Variants in ABCD3 observed in about 807,000 individuals in gnomAD.
ABCD3 encodes ATP binding cassette subfamily D member 3.
ABCD3 carries 41 observed loss-of-function variants against 105.5 expected under a neutral mutation model. The ratio of observed to expected loss-of-function variants is 0.39; its 90% confidence interval spans 0.30 to 0.50. The LOEUF is 0.50. ABCD3 is among the 20% of genes least tolerant of loss of function. ABCD3 has a pLI of 0.84. For synonymous variants in ABCD3, 258 were observed against 269.0 expected (o/e 0.96, Z 0.40); for missense variants, 622 against 806.3 (o/e 0.77, Z 2.77).
chr1:94,455,883 C>G, intron 1 of ABCD3: 1 of 1,200,258 alleles, frequency 8.3e-7, no homozygotes, highest in Admixed American at 3.3e-5. Context: ...CTCTAAGTAT[C>G]AATTTATAAC....
At chr1:94,505,132 G>C (rs1361507319) in intron 20 of ABCD3, among the ~76,000 whole-genome samples, 1 of 152,106 alleles carries the variant, frequency 6.6e-6, no homozygotes, top group African/African-American at 2.4e-5. Flanking sequence ...ACGTTTGAGA[G>C]TCCTGTGAGA....
upstream of ABCD3, among the ~76,000 whole-genome samples, chr1:94,413,586 A>G (rs1362209499): frequency 6.6e-6 from 1 of 152,164 alleles, no homozygotes; most frequent in Non-Finnish European, 1.5e-5. Flanking sequence ...AACTTCCCCA[A>G]TGCCAGCTTG....
At chr1:94,413,972 T>A (rs1322315685), upstream of ABCD3, among the ~76,000 whole-genome samples, 1 of 152,102 alleles carries the variant, frequency 6.6e-6, no homozygotes, top group East Asian at 1.9e-4. Flanking sequence ...AAGGATAAAC[T>A]GAGTTGAACG....
chr1:94,433,930 T>C (rs1182970527), intron 1 of ABCD3, among the ~76,000 whole-genome samples: 1 of 152,118 alleles, frequency 6.6e-6, no homozygotes, highest in Non-Finnish European at 1.5e-5. Context: ...ATTATGGGTA[T>C]GAGCCACTGC....
chr1:94,444,291 C>T (rs1347181490), intron 1 of ABCD3, among the ~76,000 whole-genome samples: 5 of 142,890 alleles, frequency 3.5e-5, no homozygotes, highest in Non-Finnish European at 6.0e-5. Context: ...AGGATTGTGC[C>T]ACTGTACTCT....
In ABCD3 at chr1:94,518,160, CTTTTTTATAT is replaced by C. The variant is rs1651012199; in HGVS notation, c.*1034_*1043del. ...TTTTATCTCTGTGAATCTTGAATAA[CTTTTTTATAT>C]TTGGGTTATGATGTCAAACGATCCT... On this transcript the variant is annotated 3_prime_UTR_variant, in exon 23 of 23. Transcript: ENST00000370214. The C allele has an allele frequency of 6.6e-6, 1 of 152,148 alleles. No homozygotes were observed. The highest frequency in any genetic ancestry group is 2.4e-5 in the African/African-American group (1 of 41,358). 9.4% of individuals were successfully genotyped at this position (152,148 alleles called of 1,614,324 possible).
At chr1:94,396,610 T>C in the ABCD3 span, among the ~76,000 whole-genome samples, 68,902 of 143,864 alleles carry the variant, frequency 0.48, 15,984 homozygotes, top group Middle Eastern at 0.63. Flanking sequence ...TGTGTGTGTG[T>C]GCGCGCGCGC....
At chr1:94,415,839 A>G (rs1277327486), upstream of ABCD3, among the ~76,000 whole-genome samples, 2 of 151,682 alleles carry the variant, frequency 1.3e-5, no homozygotes, top group Non-Finnish European at 2.9e-5. Flanking sequence ...TACTATAATG[A>G]CTCCTTATTT....
rs188673358 is a variant in ABCD3, at chr1:94,503,106, G to A, written c.1741-3432G>A. On this transcript the variant is annotated intron_variant, in intron 20 of 22. Coordinates refer to ENST00000370214, the MANE Select transcript of ABCD3 (RefSeq NM_002858.4). Reference sequence around the variant, plus strand: ...TCGTTAGTGGTAGTGTATTTTATGTGTGGCCCAAGACAATTCTTATTCTTC... The same window carrying A: ...TCGTTAGTGGTAGTGTATTTTATGTATGGCCCAAGACAATTCTTATTCTTC... Among the ~76,000 whole-genome samples, 623 of 152,130 alleles carry A rather than the reference G, an allele frequency of 4.1e-3. 7 individuals carry two copies. The highest frequency in any genetic ancestry group is 0.014 in the African/African-American group (592 of 41,462).
intron 21 of ABCD3, among the ~76,000 whole-genome samples, chr1:94,511,282 T>C (rs1650657060): frequency 6.6e-6 from 1 of 152,198 alleles, no homozygotes; most frequent in African/African-American, 2.4e-5. Context: ...AAATTCTGGG[T>C]TGAAAATTCT....
chr1:94,390,921 G>A, the ABCD3 span, among the ~76,000 whole-genome samples: 50 of 152,124 alleles, frequency 3.3e-4, no homozygotes, highest in Admixed American at 4.6e-4. Flanking sequence ...ATTCTAACTG[G>A]AGCATAATAA....
At chr1:94,451,093 A>G (rs598962) in intron 1 of ABCD3, among the ~76,000 whole-genome samples, 147,461 of 152,256 alleles carry the variant, frequency 0.97, 71,629 homozygotes, top group Middle Eastern at 1. Context: ...TCTCAGATCA[A>G]TGTTACTTTT....
At position 94,475,625 on chromosome 1, in the gene ABCD3, A is replaced by G. The variant is rs760078481; in HGVS notation, c.515A>G (p.Tyr172Cys). 6.2e-7 allele frequency: 1 copy of G among 1,611,740 alleles called. No individual in the cohort carries two copies. The highest frequency in any genetic ancestry group is 8.5e-7 in the Non-Finnish European group (1 of 1,178,226). Residue 172 changes from tyrosine to cysteine, a missense_variant, in exon 7 of 23, where the codon TAT (tyrosine) becomes TGT (cysteine). This residue lies in a region of ABCD3 where 245 missense variants were observed against 356.4 expected (regional missense o/e 0.69). Coordinates refer to ENST00000370214, the MANE Select transcript of ABCD3 (RefSeq NM_002858.4). ...LYEEYLQAFT[Y>C]YKMGNLDNRI... ...TCTTGCTATTTTAGAGCTTTCACATATTATAAAATGGGGAATCTGGACAAC... is the reference window on the plus strand; with the variant it reads ...TCTTGCTATTTTAGAGCTTTCACATGTTATAAAATGGGGAATCTGGACAAC...
At chr1:94,478,581 TG>T in intron 8 of ABCD3, 1 of 1,560,970 alleles carries the variant, frequency 6.4e-7, no homozygotes, top group Non-Finnish European at 8.8e-7. Flanking sequence ...CCAGGCGTGG[TG>T]GCTCATGCCT....
the ABCD3 span, among the ~76,000 whole-genome samples, chr1:94,399,343 G>T: frequency 6.6e-6 from 1 of 151,822 alleles, no homozygotes; most frequent in East Asian, 1.9e-4. Flanking sequence ...TGTGTAATCT[G>T]AAAAACGACT....
chr1:94,511,686 C>T (rs190989981), intron 21 of ABCD3, among the ~76,000 whole-genome samples: 15 of 152,124 alleles, frequency 9.9e-5, no homozygotes, highest in Admixed American at 2.6e-4. Context: ...AGGCTTTGCT[C>T]GTTTCTGTTT....
chr1:94,393,802 T>C, the ABCD3 span, among the ~76,000 whole-genome samples: 2 of 152,212 alleles, frequency 1.3e-5, no homozygotes, highest in Admixed American at 6.5e-5. Context: ...AAGAGACCTA[T>C]TATAGCATCT....
chr1:94,451,301 C>T (rs1053733779), intron 1 of ABCD3, among the ~76,000 whole-genome samples: 1 of 152,010 alleles, frequency 6.6e-6, no homozygotes. Context: ...AGTCTAATTT[C>T]CTTAGTGCTT....
intron 8 of ABCD3, among the ~76,000 whole-genome samples, chr1:94,479,484 G>T (rs569102731): frequency 4.0e-5 from 6 of 151,606 alleles, no homozygotes; most frequent in Non-Finnish European, 8.8e-5. Flanking sequence ...GTGCTAGATA[G>T]TAGGAATAAA....
Sources: allele counts gnomAD v4.1 joint callset (sites outside exome capture counted in the v4.1 genomes callset), GRCh38; gene constraint gnomAD v4.1.1; regional missense constraint gnomAD v4.1.1; transcripts MANE v1.5; gene names NCBI Gene and HGNC (gene_info 2026-07-23, HGNC 2026-07-21).